CNTN4: variants seen among roughly 807,000 people sequenced by gnomAD.
CNTN4 encodes contactin 4.
CNTN4 carries 77 observed loss-of-function variants against 122.5 expected under a neutral mutation model. That is an observed-to-expected ratio of 0.63 (90% confidence interval 0.52 to 0.76). The LOEUF is 0.76. CNTN4 is among the 30% of genes least tolerant of loss of function. The pLI, the probability that CNTN4 is intolerant of heterozygous loss-of-function variation, is 0.00. For synonymous variants in CNTN4, 512 were observed against 447.0 expected (o/e 1.15, Z -1.83); for missense variants, 1,256 against 1,259.1 (o/e 1.00, Z 0.04).
At chr3:2,135,532 G>C (rs1043151857) in intron 2 of CNTN4, among the ~76,000 whole-genome samples, 3 of 151,564 alleles carry the variant, frequency 2.0e-5, no homozygotes, top group Non-Finnish European at 4.4e-5. Flanking sequence ...CTTTAGACTT[G>C]TTTTTACCAG....
intron 4 of CNTN4, among the ~76,000 whole-genome samples, chr3:2,684,463 C>T (rs974937100): frequency 3.9e-5 from 6 of 151,976 alleles, no homozygotes; most frequent in Non-Finnish European, 8.8e-5. Context: ...AGAGGTGGAC[C>T]CCAATGACCA....
intron 4 of CNTN4, among the ~76,000 whole-genome samples, chr3:2,658,919 A>G (rs924205855): frequency 1.3e-5 from 2 of 151,028 alleles, no homozygotes; most frequent in Non-Finnish European, 3.0e-5. Flanking sequence ...ACCTACTTGC[A>G]TTTTTTTATG....
At chr3:2,140,464 C>A (rs559491590) in intron 2 of CNTN4, among the ~76,000 whole-genome samples, 19 of 152,238 alleles carry the variant, frequency 1.2e-4, no homozygotes, top group African/African-American at 4.3e-4. Flanking sequence ...TCCAAGATCA[C>A]GGCAACCTCA....
At chr3:2,653,661 G>T (rs2083459467) in intron 4 of CNTN4, among the ~76,000 whole-genome samples, 1 of 152,054 alleles carries the variant, frequency 6.6e-6, no homozygotes, top group Non-Finnish European at 1.5e-5. Context: ...ACCTTTGTTA[G>T]TCTCCCCATC....
chr3:2,926,757 G>A (rs2094476827), intron 13 of CNTN4, among the ~76,000 whole-genome samples: 1 of 140,720 alleles, frequency 7.1e-6, no homozygotes, highest in Admixed American at 7.5e-5. Flanking sequence ...AACCTGATAT[G>A]GTTTATAAAT....
At chr3:2,519,672 C>T (rs1466311203) in intron 3 of CNTN4, among the ~76,000 whole-genome samples, 1 of 152,186 alleles carries the variant, frequency 6.6e-6, no homozygotes, top group Non-Finnish European at 1.5e-5. Context: ...AAGAACGGTG[C>T]ATCAGGGTTC....
intron 3 of CNTN4, among the ~76,000 whole-genome samples, chr3:2,404,612 C>CAA (rs1214149253): frequency 1.3e-5 from 2 of 152,108 alleles, no homozygotes; most frequent in Non-Finnish European, 1.5e-5. Flanking sequence ...CATATGATTA[C>CAA]ATTGGGCCAA....
chr3:2,885,467 A>G (rs1159650863), intron 9 of CNTN4, among the ~76,000 whole-genome samples: 3 of 152,224 alleles, frequency 2.0e-5, no homozygotes, highest in Non-Finnish European at 2.9e-5. Flanking sequence ...AATGACAAGG[A>G]GAAAAACCAT....
chr3:2,325,090 A>G (rs142976956), intron 2 of CNTN4, among the ~76,000 whole-genome samples: 28 of 152,346 alleles, frequency 1.8e-4, no homozygotes, highest in African/African-American at 6.3e-4. Flanking sequence ...TATTTTTGTA[A>G]TAATACTAAG....
Position 2,123,646 on chromosome 3 carries a change from T to C in CNTN4, c.-145+23007T>C, listed in dbSNP as rs937095165. On this transcript the variant is annotated intron_variant, in intron 2 of 24. Coordinates refer to ENST00000418658, the MANE Select transcript of CNTN4 (RefSeq NM_175607.3). ...AAGATTAATTGAGATGCTGTAGTTT[T>C]CTAGCGCTACACTGGCTGTAATTAG... Among the ~76,000 whole-genome samples, 4 of 152,350 alleles carry C rather than the reference T, an allele frequency of 2.6e-5. No individual in the cohort carries two copies. In the East Asian group the frequency reaches 5.8e-4, roughly 22 times the overall value.
At chr3:2,815,891 T>TATATATATATA (rs1559534875) in intron 6 of CNTN4, among the ~76,000 whole-genome samples, 5 of 147,884 alleles carry the variant, frequency 3.4e-5, no homozygotes, top group African/African-American at 1.3e-4. Flanking sequence ...TATATATATA[T>TATATATATATA]GATGGAATAC....
At chr3:2,120,505 C>T (rs2125202242) in intron 2 of CNTN4, among the ~76,000 whole-genome samples, 1 of 149,158 alleles carries the variant, frequency 6.7e-6, no homozygotes, top group Admixed American at 6.7e-5. Context: ...TGGGATCAAG[C>T]AATTCTCCTG....
intron 4 of CNTN4, among the ~76,000 whole-genome samples, chr3:2,679,782 A>G (rs2085070673): frequency 1.3e-5 from 2 of 152,134 alleles, no homozygotes; most frequent in African/African-American, 4.8e-5. Flanking sequence ...TTCCACAACT[A>G]TATATTGCAT....
intron 3 of CNTN4, among the ~76,000 whole-genome samples, chr3:2,476,100 C>A (rs1271312555): frequency 6.6e-6 from 1 of 152,044 alleles, no homozygotes; most frequent in Non-Finnish European, 1.5e-5. Context: ...CCTTTTTGTT[C>A]ATGACTGGTG....
chr3:2,556,427 G>C (rs1428545675), intron 3 of CNTN4, among the ~76,000 whole-genome samples: 1 of 152,164 alleles, frequency 6.6e-6, no homozygotes, highest in East Asian at 1.9e-4. Context: ...TCAGGATGCA[G>C]CATAGTGTTG....
intron 3 of CNTN4, among the ~76,000 whole-genome samples, chr3:2,400,729 AAACT>A (rs1397699238): frequency 6.6e-6 from 1 of 151,260 alleles, no homozygotes; most frequent in Non-Finnish European, 1.5e-5. Context: ...ATAAGCAAAG[AAACT>A]AACTTTGTGG....
chr3:2,376,786 C>T (rs553995251), intron 3 of CNTN4, among the ~76,000 whole-genome samples: 1 of 151,858 alleles, frequency 6.6e-6, no homozygotes, highest in Non-Finnish European at 1.5e-5. Flanking sequence ...GTGTGCTGAC[C>T]ATGCACTGAC....
At chr3:2,570,045 G>A (rs2079351448) in intron 3 of CNTN4, among the ~76,000 whole-genome samples, 1 of 149,376 alleles carries the variant, frequency 6.7e-6, no homozygotes, top group Non-Finnish European at 1.5e-5. Flanking sequence ...ATGGCGGGCT[G>A]GCAGGATGGG....
intron 13 of CNTN4, among the ~76,000 whole-genome samples, chr3:2,928,810 C>T (rs182632532): frequency 2.0e-5 from 3 of 152,172 alleles, no homozygotes; most frequent in Non-Finnish European, 4.4e-5. Context: ...AATGAGTTTA[C>T]AGTAGTGGTA....
Sources: gnomAD v4.1 joint callset for allele counts (sites outside exome capture counted in the v4.1 genomes callset) on GRCh38, gnomAD v4.1.1 for gene constraint, MANE v1.5 for transcripts, NCBI Gene and HGNC (gene_info 2026-07-23, HGNC 2026-07-21) for gene names.